Variants in RTN4 observed in about 807,000 individuals in gnomAD.
RTN4 encodes the protein reticulon 4.
In RTN4, 32 loss-of-function variants were observed where a neutral mutation model predicts 90.4. That is an observed-to-expected ratio of 0.35 (90% CI 0.27 to 0.48). The LOEUF is 0.48. Among genes scored for constraint, RTN4 ranks in the 20% least tolerant of loss-of-function variants. RTN4 has a pLI of 0.99. For missense variants in RTN4, 1,706 were observed against 1,430.2 expected, an observed-to-expected ratio of 1.19 and a Z score of -3.11; for synonymous variants, 629 against 552.5, an observed-to-expected ratio of 1.14 and a Z score of -1.94.
At chr2:55,096,140 A>C (rs1669029767) in intron 1 of RTN4, among the ~76,000 whole-genome samples, 1 of 152,162 alleles carries the variant, frequency 6.6e-6, no homozygotes, top group Non-Finnish European at 1.5e-5. Flanking sequence ...CAACCTAACC[A>C]ACATGGAGAA....
intron 2 of RTN4, among the ~76,000 whole-genome samples, chr2:55,072,265 T>C (rs1252172566): frequency 6.6e-6 from 1 of 151,898 alleles, no homozygotes; most frequent in Non-Finnish European, 1.5e-5. Context: ...AGCCTCGTTC[T>C]GTCTCCCAGG....
Position 55,049,878 on chromosome 2 carries a change from G to A in RTN4, c.423C>T (p.Ala141=). The stretch of plus-strand genomic sequence containing the variant: ...TGGCCGGGGGAGGAGGGGGAGGCCG[G>A]GCCGGAGGCTCGTCGTCCTCAGGGA... ...SKLPEDDEPP[A]RPPPPPPASV... Residue 141 remains alanine (A), a synonymous_variant, in exon 1 of 9, where the codon GCC becomes GCT. Coordinates refer to ENST00000337526, the MANE Select transcript of RTN4 (RefSeq NM_020532.5). 1 of 1,320,384 alleles carries A rather than the reference G, an allele frequency of 7.6e-7. No homozygotes were observed. The allele number at this position is 1,320,384 out of a possible 1,614,324, so 81.8% of individuals were successfully genotyped here.
Position 55,103,842 on chromosome 2 carries a change from C to T in RTN4, c.-214+8678G>A, listed in dbSNP as rs909756919. Reference sequence around the variant, plus strand: ...CCCAAGTAGCTAGAATTACAGGCTCCCACCACCACACCCGCCTAATTTTTG... The same window carrying T: ...CCCAAGTAGCTAGAATTACAGGCTCTCACCACCACACCCGCCTAATTTTTG... On this transcript the variant is annotated intron_variant, in intron 1 of 3. Transcript: ENST00000427710. 5.9e-5 allele frequency among the ~76,000 whole-genome samples: 9 copies of T among 151,588 alleles called. No individual in the cohort carries two copies. The South Asian group carries it at 1.0e-3, about 18-fold the overall frequency.
intron 4 of RTN4, among the ~76,000 whole-genome samples, chr2:54,986,783 A>G (rs1678594555): frequency 6.6e-6 from 1 of 152,142 alleles, no homozygotes; most frequent in Admixed American, 6.5e-5. Flanking sequence ...GTGCGATGAA[A>G]ATAGTGATGG....
intron 1 of RTN4, among the ~76,000 whole-genome samples, chr2:55,106,817 G>A (rs1004358330): frequency 5.3e-5 from 8 of 152,138 alleles, no homozygotes; most frequent in South Asian, 2.1e-4. Context: ...ACCATGCCCC[G>A]TCTTATTGAA....
rs965609815 is a variant in RTN4 at position 55,049,810 on chromosome 2, G to A, written c.491C>T (p.Pro164Leu). The A allele has an allele frequency of 6.9e-6, 9 of 1,310,412 alleles. No individual in the cohort carries two copies. The highest frequency in any genetic ancestry group is 1.5e-5 in the African/African-American group (1 of 64,652). The allele number at this position is 1,310,412 out of a possible 1,614,324, so 81.2% of individuals were successfully genotyped here. A position where few individuals can be genotyped will look rare whatever the true frequency, so the allele number is the denominator to read the frequency against. Residue 164 changes from proline (P) to leucine (L), a missense_variant, in exon 1 of 9, where the codon CCG becomes CTG. Coordinates refer to ENST00000337526, the MANE Select transcript of RTN4 (RefSeq NM_020532.5). The part of the protein sequence containing the change: ...QAEPVWTPPA[P>L]APAAPPSTPA... ...GGTGGAGGGGGGCGCGGCGGGAGCCGGGGCTGGCGGGGTCCACACGGGCTC... is the reference window on the plus strand; with the variant it reads ...GGTGGAGGGGGGCGCGGCGGGAGCCAGGGCTGGCGGGGTCCACACGGGCTC...
upstream of RTN4, among the ~76,000 whole-genome samples, chr2:55,116,269 T>C (rs1364535867): frequency 2.6e-5 from 4 of 152,078 alleles, no homozygotes; most frequent in Non-Finnish European, 5.9e-5. Flanking sequence ...GACCAGCAGC[T>C]GATAAGACTC....
chr2:55,007,935 C>A (rs930687529), intron 3 of RTN4, among the ~76,000 whole-genome samples: 1 of 152,066 alleles, frequency 6.6e-6, no homozygotes, highest in Non-Finnish European at 1.5e-5. Context: ...TAGGCCTACC[C>A]ATTCCTTCCT....
chr2:55,134,902 T>C, the RTN4 span, among the ~76,000 whole-genome samples: 1 of 152,180 alleles, frequency 6.6e-6, no homozygotes, highest in Non-Finnish European at 1.5e-5. Flanking sequence ...CTGTCCAACA[T>C]AGTAGCCACT....
At chr2:54,989,550 A>G (rs1678844333) in intron 3 of RTN4, among the ~76,000 whole-genome samples, 2 of 152,236 alleles carry the variant, frequency 1.3e-5, no homozygotes, top group South Asian at 4.1e-4. Context: ...AGCAACGCTA[A>G]TAGGTTTCTG....
chr2:55,134,158 T>A, the RTN4 span, among the ~76,000 whole-genome samples: 1 of 152,152 alleles, frequency 6.6e-6, no homozygotes, highest in Non-Finnish European at 1.5e-5. Context: ...GCTAATTTAT[T>A]ATAATTAGTG....
chr2:54,985,465 T>C (rs1028695212), intron 4 of RTN4, among the ~76,000 whole-genome samples: 1 of 152,206 alleles, frequency 6.6e-6, no homozygotes, highest in African/African-American at 2.4e-5. Flanking sequence ...TGGCTGGCTC[T>C]GCCATTTTCA....
intron 1 of RTN4, among the ~76,000 whole-genome samples, chr2:55,037,140 A>G (rs1030205704): frequency 1.8e-4 from 27 of 152,256 alleles, no homozygotes; most frequent in Admixed American, 1.8e-3. Flanking sequence ...ACTCACTGTA[A>G]CAAAAAAACA....
chr2:55,020,019 C>G (rs181034880), intron 3 of RTN4, among the ~76,000 whole-genome samples: 12 of 152,060 alleles, frequency 7.9e-5, no homozygotes, highest in African/African-American at 2.9e-4. Context: ...ACGAGGAAAT[C>G]TACAAAACAA....
intron 2 of RTN4, among the ~76,000 whole-genome samples, chr2:55,064,834 G>C (rs967853781): frequency 3.3e-5 from 5 of 152,108 alleles, no homozygotes; most frequent in African/African-American, 1.2e-4. Flanking sequence ...TTGAGACTTT[G>C]TTAAATTATG....
At chr2:55,075,803 T>C (rs1248967005) in intron 2 of RTN4, among the ~76,000 whole-genome samples, 1 of 152,176 alleles carries the variant, frequency 6.6e-6, no homozygotes, top group Non-Finnish European at 1.5e-5. Flanking sequence ...TATAGTCAAC[T>C]GATCTCTGAC....
At chr2:55,005,387 C>A (rs1194515773) in intron 3 of RTN4, among the ~76,000 whole-genome samples, 3 of 152,098 alleles carry the variant, frequency 2.0e-5, no homozygotes, top group African/African-American at 4.8e-5. Context: ...AAAGCTGGTT[C>A]TTATCAAGTA....
rs78508174 is a variant in RTN4, at chr2:55,025,041, C to T, written c.3013+45G>A. 23,438 of 1,540,928 alleles carry T rather than the reference C, an allele frequency of 0.015. 2,222 individuals are homozygous for T. In the African/African-American group the frequency reaches 0.24, roughly 16 times the overall value. Reference sequence around the variant, plus strand: ...AAATGTAGTGGAATGTTCCCTAAATCCAAAAGTGGCATGAAAGCACAAAAC... The same window carrying T: ...AAATGTAGTGGAATGTTCCCTAAATTCAAAAGTGGCATGAAAGCACAAAAC... On this transcript the variant is annotated intron_variant, in intron 3 of 8. Coordinates refer to ENST00000337526, the MANE Select transcript of RTN4 (RefSeq NM_020532.5).
At position 54,972,887 on chromosome 2, in the gene RTN4, A is replaced by T; in HGVS notation, c.*269T>A. 1 of 306,654 alleles carries T rather than the reference A, an allele frequency of 3.3e-6. No individual in the cohort carries two copies. Among genetic ancestry groups the T allele is most frequent in the South Asian group, 1.7e-4 (1 of 6,046 alleles). The allele number at this position is 306,654 out of a possible 1,614,324, so 19.0% of individuals were successfully genotyped here. ...ACAAAGTAAAATATACAGGTTTTTT[A>T]TTCCACCAGTGCCTCAGATAGATAG... On this transcript the variant is annotated 3_prime_UTR_variant, in exon 9 of 9. Transcript: ENST00000337526.
Sources: allele counts gnomAD v4.1 joint callset (sites outside exome capture counted in the v4.1 genomes callset), GRCh38; gene constraint gnomAD v4.1.1; transcripts MANE v1.5; gene names NCBI Gene and HGNC (gene_info 2026-07-23, HGNC 2026-07-21).